NELL1: variants seen among roughly 807,000 people sequenced by gnomAD.
NELL1 encodes the protein neural EGFL like 1.
A neutral mutation model predicts 107.4 loss-of-function variants in NELL1; 76 were observed. That is an observed-to-expected ratio of 0.71 (90% CI 0.59 to 0.86). The LOEUF is 0.86. Ranked by LOEUF, NELL1 falls within the 40% of genes least tolerant of loss-of-function variation. NELL1 has a pLI of 0.00. For missense variants in NELL1, 1,024 were observed against 1,005.5 expected (o/e 1.02, Z -0.25); for synonymous variants, 353 against 341.2 (o/e 1.03, Z -0.38).
chr11:20,785,381 C>G (rs1202680683), intron 3 of NELL1, among the ~76,000 whole-genome samples: 3 of 152,226 alleles, frequency 2.0e-5, no homozygotes, highest in East Asian at 1.9e-4. Context: ...TGGGTTCGTT[C>G]AAAGGTGTTC....
At chr11:20,757,584 A>G (rs1017428952) in intron 2 of NELL1, among the ~76,000 whole-genome samples, 4 of 152,222 alleles carry the variant, frequency 2.6e-5, no homozygotes, top group African/African-American at 9.6e-5. Context: ...TTTACTGCCC[A>G]TAACCTTGCC....
chr11:20,796,938 T>C (rs916380111), intron 3 of NELL1, among the ~76,000 whole-genome samples: 2 of 152,170 alleles, frequency 1.3e-5, no homozygotes, highest in African/African-American at 4.8e-5. Flanking sequence ...AAGAGGGTTC[T>C]GAATGCAGCA....
At chr11:21,026,714 G>A (rs1180264655) in intron 12 of NELL1, among the ~76,000 whole-genome samples, 13 of 152,114 alleles carry the variant, frequency 8.5e-5, no homozygotes, top group Non-Finnish European at 8.8e-5. Context: ...GCATTGTGTT[G>A]AGCAGTCTAC....
At chr11:20,927,554 G>T (rs1590425578) in intron 8 of NELL1, 112 bp downstream of exon 8, 1 of 1,072,188 alleles carries the variant, frequency 9.3e-7, no homozygotes. Context: ...GAATTGTTAG[G>T]TTTTTACCTA....
At chr11:20,915,150 G>A (rs968198159) in intron 5 of NELL1, among the ~76,000 whole-genome samples, 2 of 151,972 alleles carry the variant, frequency 1.3e-5, no homozygotes, top group Non-Finnish European at 2.9e-5. Context: ...TAGTAATTCT[G>A]TTGGGTTTTA....
intron 14 of NELL1, among the ~76,000 whole-genome samples, chr11:21,314,811 T>C (rs1284839444): frequency 6.6e-6 from 1 of 152,162 alleles, no homozygotes; most frequent in South Asian, 2.1e-4. Flanking sequence ...GGAAAGATTA[T>C]TGGCTGATGG....
intron 3 of NELL1, among the ~76,000 whole-genome samples, chr11:20,834,218 C>T (rs1848488962): frequency 6.6e-6 from 1 of 152,114 alleles, no homozygotes; most frequent in South Asian, 2.1e-4. Context: ...GTGGTAGATA[C>T]TTTGGAACAG....
At chr11:21,221,185 A>G (rs1420580535) in intron 13 of NELL1, among the ~76,000 whole-genome samples, 2 of 152,146 alleles carry the variant, frequency 1.3e-5, no homozygotes, top group Non-Finnish European at 2.9e-5. Context: ...TCTCACATTT[A>G]TTGATTTGAG....
intron 3 of NELL1, among the ~76,000 whole-genome samples, chr11:20,844,660 C>G (rs555805350): frequency 1.3e-5 from 2 of 152,166 alleles, no homozygotes; most frequent in Non-Finnish European, 2.9e-5. Flanking sequence ...CGTCAGACTT[C>G]TGCTCCCTTC....
At chr11:21,129,077 T>G (rs1264039043) in intron 13 of NELL1, among the ~76,000 whole-genome samples, 1 of 152,232 alleles carries the variant, frequency 6.6e-6, no homozygotes, top group Non-Finnish European at 1.5e-5. Context: ...TCCCTTTTCC[T>G]CTTGACTCTA....
chr11:21,554,426 G>A (rs1032968149), intron 16 of NELL1, among the ~76,000 whole-genome samples: 1 of 151,776 alleles, frequency 6.6e-6, no homozygotes. Context: ...AAAACCATGT[G>A]AATTCATGTG....
intron 2 of NELL1, among the ~76,000 whole-genome samples, chr11:20,739,220 A>G (rs1253991637): frequency 6.6e-6 from 1 of 152,196 alleles, no homozygotes; most frequent in Non-Finnish European, 1.5e-5. Flanking sequence ...GAGCTCTGCT[A>G]AAATCGTGGT....
chr11:21,490,707 C>T (rs183733212), intron 15 of NELL1, among the ~76,000 whole-genome samples: 9 of 152,048 alleles, frequency 5.9e-5, no homozygotes, highest in Admixed American at 3.3e-4. Context: ...GGAAAGAACA[C>T]GGTCCTCAAT....
chr11:21,286,767 C>T (rs1290398763), intron 14 of NELL1, among the ~76,000 whole-genome samples: 1 of 152,198 alleles, frequency 6.6e-6, no homozygotes, highest in Non-Finnish European at 1.5e-5. Context: ...CTGTTAGATG[C>T]TCTCACTTAG....
intron 2 of NELL1, among the ~76,000 whole-genome samples, chr11:20,704,253 A>G (rs1854879145): frequency 6.6e-6 from 1 of 152,196 alleles, no homozygotes; most frequent in African/African-American, 2.4e-5. Flanking sequence ...CTTTACCATT[A>G]TGTAATGGCC....
chr11:21,572,509 A>G (rs969278885), intron 18 of NELL1, among the ~76,000 whole-genome samples: 2 of 151,908 alleles, frequency 1.3e-5, no homozygotes, highest in Non-Finnish European at 2.9e-5. Context: ...GCCATAGATT[A>G]TAATTCATGA....
At chr11:20,764,856 G>T (rs555637996) in intron 2 of NELL1, among the ~76,000 whole-genome samples, 9 of 152,158 alleles carry the variant, frequency 5.9e-5, no homozygotes, top group African/African-American at 2.2e-4. Context: ...GAGAACTGGG[G>T]GCTGCTGTTT....
chr11:20,760,724 T>C (rs995903585), intron 2 of NELL1, among the ~76,000 whole-genome samples: 1 of 152,222 alleles, frequency 6.6e-6, no homozygotes, highest in Non-Finnish European at 1.5e-5. Context: ...TCTTAGGATT[T>C]CAAGCAAGAT....
chr11:20,705,740 G>T (rs1008349144), intron 2 of NELL1, among the ~76,000 whole-genome samples: 1 of 148,494 alleles, frequency 6.7e-6, no homozygotes, highest in Non-Finnish European at 1.5e-5. Flanking sequence ...CCTACAGAAT[G>T]GGAGAAAATT....
Sources: gnomAD v4.1 joint callset for allele counts (sites outside exome capture counted in the v4.1 genomes callset) on GRCh38, gnomAD v4.1.1 for gene constraint, MANE v1.5 for transcripts, NCBI Gene and HGNC (gene_info 2026-07-23, HGNC 2026-07-21) for gene names.